The following HERPUD2 variants were observed in gnomAD, a reference collection of about 807,000 sequenced individuals.
HERPUD2 encodes the protein HERPUD family member 2, also known as homocysteine-responsive endoplasmic reticulum-resident ubiquitin-like domain member 2 protein.
A neutral mutation model predicts 49.9 loss-of-function variants in HERPUD2; 13 were observed. The observed-to-expected ratio is 0.26, with a 90% CI of 0.17 to 0.41. The LOEUF (loss-of-function observed/expected upper bound fraction) is 0.41. Ranked by LOEUF, HERPUD2 falls within the 10% of genes least tolerant of loss-of-function variation. HERPUD2 has a pLI of 1.00. For synonymous variants in HERPUD2, 172 were observed against 171.4 expected (o/e 1.00, Z -0.03); for missense variants, 449 against 492.2 (o/e 0.91, Z 0.83).
At chr7:35,675,813 G>C (rs985835132) in intron 2 of HERPUD2, among the ~76,000 whole-genome samples, 1 of 152,028 alleles carries the variant, frequency 6.6e-6, no homozygotes, top group African/African-American at 2.4e-5. Context: ...CCAGGCTGAA[G>C]TGCAGTGGCT....
At chr7:35,683,202 T>A (rs1003761894) in intron 2 of HERPUD2, among the ~76,000 whole-genome samples, 1 of 152,152 alleles carries the variant, frequency 6.6e-6, no homozygotes, top group African/African-American at 2.4e-5. Context: ...CAAAACAACA[T>A]GGTACTGATA....
Position 35,674,436 on chromosome 7 carries a change from G to T in HERPUD2, c.148-1158C>A, listed in dbSNP as rs1255491011. 8.2e-3 allele frequency among the ~76,000 whole-genome samples: 1,072 copies of T among 131,286 alleles called. 35 individuals are homozygous for T. Among genetic ancestry groups the T allele is most frequent in the Non-Finnish European group, 1.0e-2 (604 of 60,594 alleles). 86.1% of individuals were successfully genotyped at this position (131,286 alleles called of 152,430 possible). On this transcript the variant is annotated intron_variant, in intron 2 of 8. Coordinates refer to ENST00000311350, the MANE Select transcript of HERPUD2 (RefSeq NM_022373.5). ...AGAGAGAGAGAGAGAGAGAGAGAGA[G>T]AGAGAGAGAGAGAGAGAGAGAGAGA...
chr7:35,674,379 C>A (rs3052503), intron 2 of HERPUD2, among the ~76,000 whole-genome samples: 22,389 of 44,110 alleles, frequency 0.51, 5,524 homozygotes, highest in Non-Finnish European at 0.58. Context: ...GTCTTACAAC[C>A]TATATATATA....
In HERPUD2 at chr7:35,673,459, T is replaced by G. The variant is rs574923248; in HGVS notation, c.148-181A>C. 2.0e-5 allele frequency among the ~76,000 whole-genome samples: 3 copies of G among 152,236 alleles called. No homozygotes were observed. In the East Asian group the frequency reaches 5.8e-4, roughly 29 times the overall value. ...TACTTAAGAAAAAAACATTTAAGAG[T>G]TCAGCAAATGGTAGTGTATCTATTG... On this transcript the variant is annotated intron_variant, in intron 2 of 8. Coordinates refer to ENST00000311350, the MANE Select transcript of HERPUD2 (RefSeq NM_022373.5).
In HERPUD2 at chr7:35,667,562, A is replaced by C. The variant is rs1359899341; in HGVS notation, c.366T>G (p.Thr122=). ...NSSSDHSGST[T]PSSGQETLSL... ...ACAAGGTTTCTTGACCAGATGATGG[A>C]GTTGTTGATCCTGAATGATCTGAAC... Residue 122 remains threonine (T), a synonymous_variant, in exon 5 of 9, where the codon ACT becomes ACG. Transcript: ENST00000311350. The C allele has an allele frequency of 6.2e-7, 1 of 1,613,406 alleles. No homozygotes were observed. Among genetic ancestry groups the C allele is most frequent in the Non-Finnish European group, 8.5e-7 (1 of 1,179,510 alleles).
At chr7:35,649,543 G>T (rs146466883) in intron 5 of HERPUD2, among the ~76,000 whole-genome samples, 35 of 152,242 alleles carry the variant, frequency 2.3e-4, no homozygotes, top group Non-Finnish European at 3.5e-4. Context: ...GTGGTCAGGG[G>T]ATACCCTAGT....
chr7:35,659,858 A>G (rs774199352), intron 5 of HERPUD2, among the ~76,000 whole-genome samples: 3 of 150,134 alleles, frequency 2.0e-5, no homozygotes, highest in Non-Finnish European at 3.0e-5. Flanking sequence ...TTCCTGTTCT[A>G]TTTCATCTTT....
In HERPUD2 at chr7:35,633,503, A is replaced by C. The variant is rs989586072; in HGVS notation, c.*187T>G. On this transcript the variant is annotated 3_prime_UTR_variant, in exon 9 of 9. Coordinates refer to ENST00000311350, the MANE Select transcript of HERPUD2 (RefSeq NM_022373.5). ...CTGTTAGGATCTTTAAAAAAAAAAA[A>C]AAAAAACTCAGATATTTAGTAGTCC... 2.0e-5 allele frequency: 9 copies of C among 448,630 alleles called. No individual in the cohort carries two copies. Among genetic ancestry groups the C allele is most frequent in the African/African-American group, 1.2e-4 (6 of 49,242 alleles). 27.8% of individuals were successfully genotyped at this position (448,630 alleles called of 1,614,324 possible).
intron 2 of HERPUD2, among the ~76,000 whole-genome samples, chr7:35,674,404 T>TATATATAGAG (rs1785711309): frequency 1.0e-4 from 4 of 38,124 alleles, no homozygotes; most frequent in East Asian, 9.1e-4. Context: ...TATATATATA[T>TATATATAGAG]AGAGAGAGAG....
intron 5 of HERPUD2, among the ~76,000 whole-genome samples, chr7:35,653,987 G>T (rs183979336): frequency 1.8e-4 from 28 of 152,200 alleles, no homozygotes; most frequent in African/African-American, 6.7e-4. Flanking sequence ...GAGTGAGACT[G>T]TCTCTAAAAC....
chr7:35,664,829 G>A (rs1410610444), intron 5 of HERPUD2, among the ~76,000 whole-genome samples: 1 of 152,102 alleles, frequency 6.6e-6, no homozygotes, highest in East Asian at 1.9e-4. Context: ...CTTTGTGATG[G>A]GTTCAAACAT....
chr7:35,651,023 C>G (rs776518403), intron 5 of HERPUD2, among the ~76,000 whole-genome samples: 139 of 152,270 alleles, frequency 9.1e-4, no homozygotes, highest in Admixed American at 1.5e-3. Flanking sequence ...CCTGAGGACC[C>G]AATCTGCCAC....
chr7:35,686,736 A>C lies in HERPUD2; in HGVS notation c.147+7448T>G, dbSNP rs1410038226. On this transcript the variant is annotated intron_variant, in intron 2 of 8. Transcript: ENST00000311350. Reference sequence around the variant, plus strand: ...TCCGTCTCAAAAAAAAAAAAAAAAAAAAAAAAAAACCAAACCCATTTCCAG... The same window carrying C: ...TCCGTCTCAAAAAAAAAAAAAAAAACAAAAAAAAACCAAACCCATTTCCAG... Among the ~76,000 whole-genome samples the C allele has an allele frequency of 2.8e-5, 3 of 105,448 alleles. 1 individual carries two copies. The highest frequency in any genetic ancestry group is 1.2e-4 in the African/African-American group (3 of 24,798). 69.2% of individuals were successfully genotyped at this position (105,448 alleles called of 152,430 possible).
chr7:35,656,477 T>C (rs1785277726), intron 5 of HERPUD2, among the ~76,000 whole-genome samples: 1 of 151,882 alleles, frequency 6.6e-6, no homozygotes, highest in Admixed American at 6.6e-5. Context: ...CTAAAATTCA[T>C]ATAGAACAAA....
intron 5 of HERPUD2, among the ~76,000 whole-genome samples, chr7:35,660,744 ATTTG>A: frequency 6.6e-6 from 1 of 152,060 alleles, no homozygotes; most frequent in East Asian, 1.9e-4. Context: ...TTTCTTGTAA[ATTTG>A]TTTAAGTTCT....
At chr7:35,659,744 C>A (rs576888626) in intron 5 of HERPUD2, among the ~76,000 whole-genome samples, 17 of 152,288 alleles carry the variant, frequency 1.1e-4, no homozygotes, top group Middle Eastern at 6.8e-3. Flanking sequence ...AAATATAATT[C>A]ATCTAGTAAT....
intron 5 of HERPUD2, among the ~76,000 whole-genome samples, chr7:35,664,760 T>C (rs1041726986): frequency 2.0e-5 from 3 of 152,228 alleles, no homozygotes; most frequent in African/African-American, 7.2e-5. Context: ...TATGGACTTA[T>C]CTATGCTGTT....
rs1583535347 is a variant in HERPUD2 at position 35,637,165 on chromosome 7, AGATAGATAGAT to A, written c.617+1174_617+1184del. Among the ~76,000 whole-genome samples the A allele has an allele frequency of 1.6e-4, 17 of 105,130 alleles. No homozygotes were observed. In the East Asian group the frequency reaches 3.6e-3, roughly 22 times the overall value. 69.0% of individuals were successfully genotyped at this position (105,130 alleles called of 152,430 possible). ...AAGAAAGAAAGAAAGAAAGAAAGAT[AGATAGATAGAT>A]AGATAGATAGATAGATAGATAGATA... On this transcript the variant is annotated intron_variant, in intron 6 of 8. Coordinates refer to ENST00000311350, the MANE Select transcript of HERPUD2 (RefSeq NM_022373.5).
Position 35,694,611 on chromosome 7 carries a change from C to A in HERPUD2, c.-281G>T, listed in dbSNP as rs561299825. The A allele has an allele frequency of 1.4e-5, 6 of 426,158 alleles. No individual in the cohort carries two copies. The Admixed American group carries it at 1.7e-4, about 12-fold the overall frequency. 26.4% of individuals were successfully genotyped at this position (426,158 alleles called of 1,614,324 possible). A position where few individuals can be genotyped will look rare whatever the true frequency, so the allele number is the denominator to read the frequency against. On this transcript the variant is annotated 5_prime_UTR_variant, in exon 2 of 9. Coordinates refer to ENST00000311350, the MANE Select transcript of HERPUD2 (RefSeq NM_022373.5). ...CCGGGCTCCGGACTGTGGAGGCCGT[C>A]GTGAGGAGAAAGGAAGCTATACGAA...
Sources: gnomAD v4.1 joint callset for allele counts (sites outside exome capture counted in the v4.1 genomes callset) on GRCh38, gnomAD v4.1.1 for gene constraint, MANE v1.5 for transcripts, NCBI Gene and HGNC (gene_info 2026-07-23, HGNC 2026-07-21) for gene names.